Variants in PTPN3 observed in about 807,000 individuals in gnomAD.
PTPN3 encodes the protein protein tyrosine phosphatase non-receptor type 3.
A neutral mutation model predicts 132.7 loss-of-function variants in PTPN3; 96 were observed. That is an observed-to-expected ratio of 0.72 (90% CI 0.61 to 0.86). The LOEUF (loss-of-function observed/expected upper bound fraction) is 0.86, where lower values mean the gene tolerates loss of function less well. Among genes scored for constraint, PTPN3 ranks in the 40% least tolerant of loss-of-function variants. The pLI is 0.00. For synonymous variants in PTPN3, 398 were observed against 429.0 expected (o/e 0.93, Z 0.89); for missense variants, 1,125 against 1,159.6 (o/e 0.97, Z 0.43).
the PTPN3 span, among the ~76,000 whole-genome samples, chr9:109,517,459 G>A: frequency 6.6e-6 from 1 of 152,154 alleles, no homozygotes; most frequent in Non-Finnish European, 1.5e-5. Flanking sequence ...TCCTCTAACG[G>A]TACCCACTGC....
At chr9:109,522,299 C>T in the PTPN3 span, among the ~76,000 whole-genome samples, 8 of 152,230 alleles carry the variant, frequency 5.3e-5, no homozygotes, top group African/African-American at 1.9e-4. Flanking sequence ...GGCTATAGAC[C>T]AAAGGCCAAA....
At chr9:109,486,642 G>A (rs1189708286) in intron 1 of PTPN3, among the ~76,000 whole-genome samples, 1 of 152,114 alleles carries the variant, frequency 6.6e-6, no homozygotes, top group Non-Finnish European at 1.5e-5. Flanking sequence ...AGGGGCCTGG[G>A]GGCACTCATG....
At chr9:109,437,594 T>C (rs1222924109) in intron 8 of PTPN3, among the ~76,000 whole-genome samples, 1 of 152,158 alleles carries the variant, frequency 6.6e-6, no homozygotes, top group Non-Finnish European at 1.5e-5. Flanking sequence ...CAGCCAGAAT[T>C]GGGCATATGT....
At chr9:109,459,902 G>A (rs1050574803) in intron 2 of PTPN3, among the ~76,000 whole-genome samples, 26 of 151,960 alleles carry the variant, frequency 1.7e-4, no homozygotes, top group African/African-American at 5.3e-4. Context: ...CTTAAGCACC[G>A]TTCGCAGCTT....
At chr9:109,448,221 C>T (rs1844989952) in intron 6 of PTPN3, among the ~76,000 whole-genome samples, 1 of 152,122 alleles carries the variant, frequency 6.6e-6, no homozygotes, top group Non-Finnish European at 1.5e-5. Flanking sequence ...CAGGGCTAAA[C>T]TCACAGGGGT....
the PTPN3 span, among the ~76,000 whole-genome samples, chr9:109,517,864 C>T: frequency 6.6e-6 from 1 of 152,086 alleles, no homozygotes; most frequent in Non-Finnish European, 1.5e-5. Context: ...GTGGGAGACC[C>T]TAGCAGAAGC....
Position 109,378,054 on chromosome 9 carries a change from T to C in PTPN3, c.*1502A>G, listed in dbSNP as rs1282878630. 6.6e-6 allele frequency: 1 copy of C among 152,206 alleles called. No homozygotes were observed. Among genetic ancestry groups the C allele is most frequent in the African/African-American group, 2.4e-5 (1 of 41,448 alleles). 9.4% of individuals were successfully genotyped at this position (152,206 alleles called of 1,614,324 possible). A position where few individuals can be genotyped will look rare whatever the true frequency, so the allele number is the denominator to read the frequency against. On this transcript the variant is annotated 3_prime_UTR_variant, in exon 26 of 26. Transcript: ENST00000374541. ...AGCTCTAGAGATAAAGAATCTCCCA[T>C]ATAGGTCTTCATCCGTCTTGCTACC...
At chr9:109,505,030 G>A in the PTPN3 span, among the ~76,000 whole-genome samples, 2 of 152,202 alleles carry the variant, frequency 1.3e-5, no homozygotes, top group East Asian at 1.9e-4. Context: ...AGTGGTCATG[G>A]CTTTGAAAAA....
chr9:109,391,876 G>A lies in PTPN3; in HGVS notation c.1954-315C>T, dbSNP rs139470068. ...AGCTAAAAGCAACTAGATGTGGGGG[G>A]GGGGGGGAAGAATTCTGGCTCAAAA... On this transcript the variant is annotated intron_variant, in intron 19 of 25. Coordinates refer to ENST00000374541, the MANE Select transcript of PTPN3 (RefSeq NM_002829.4). Among the ~76,000 whole-genome samples, 10 of 102,718 alleles carry A rather than the reference G, an allele frequency of 9.7e-5. 1 individual carries two copies. The highest frequency in any genetic ancestry group is 7.9e-5 in the Non-Finnish European group (4 of 50,372). The allele number at this position is 102,718 out of a possible 152,430, so 67.4% of individuals were successfully genotyped here. A position where few individuals can be genotyped will look rare whatever the true frequency, so the allele number is the denominator to read the frequency against.
At chr9:109,463,934 A>G (rs1447623555) in intron 1 of PTPN3, among the ~76,000 whole-genome samples, 1 of 152,248 alleles carries the variant, frequency 6.6e-6, no homozygotes, top group Non-Finnish European at 1.5e-5. Context: ...TAGTCGCAAT[A>G]TATACATCTG....
intron 12 of PTPN3, among the ~76,000 whole-genome samples, chr9:109,425,411 A>G (rs553247101): frequency 6.6e-6 from 1 of 152,356 alleles, no homozygotes; most frequent in South Asian, 2.1e-4. Context: ...AAAAACCAAC[A>G]AATGATTTAG....
At position 109,415,077 on chromosome 9, in the gene PTPN3, ACCATCCAT is replaced by A. The variant is rs201768060; in HGVS notation, c.1314-4670_1314-4663del. 9.1e-3 allele frequency among the ~76,000 whole-genome samples: 1,135 copies of A among 125,108 alleles called. 15 individuals carry two copies. The highest frequency in any genetic ancestry group is 0.031 in the African/African-American group (977 of 31,362). 82.1% of individuals were successfully genotyped at this position (125,108 alleles called of 152,430 possible). On this transcript the variant is annotated intron_variant, in intron 14 of 25. Transcript: ENST00000374541. The stretch of plus-strand genomic sequence containing the variant: ...ATCCGTCCATCCGTCCGTCCATCCA[ACCATCCAT>A]CCATCCATCCATCCATCCATCCATC...
intron 23 of PTPN3, 197 bp downstream of exon 23, chr9:109,383,226 T>C: frequency 1.2e-6 from 1 of 839,830 alleles, no homozygotes; most frequent in Non-Finnish European, 1.9e-6. Context: ...CACTGGGCTG[T>C]TTGCACCTCG....
In PTPN3 at chr9:109,436,859, C is replaced by A; in HGVS notation, c.675+24G>T. ...TTAAAATAAAAACATAATGTTTGAG[C>A]CAAGACATAACAAGAATACATACCC... On this transcript the variant is annotated intron_variant, in intron 9 of 25. Coordinates refer to ENST00000374541, the MANE Select transcript of PTPN3 (RefSeq NM_002829.4). 1.9e-6 allele frequency: 3 copies of A among 1,599,926 alleles called. No homozygotes were observed. The South Asian group carries it at 3.4e-5, about 18-fold the overall frequency.
At chr9:109,422,476 C>T (rs775178197) in intron 13 of PTPN3, among the ~76,000 whole-genome samples, 1 of 152,092 alleles carries the variant, frequency 6.6e-6, no homozygotes, top group Non-Finnish European at 1.5e-5. Context: ...TCAGCAGGCT[C>T]GAGTTTCCCA....
rs751505563 is a variant in PTPN3, at chr9:109,454,575, C to CTACAACATTT, written c.290-11_290-2dup. 1 of 1,610,088 alleles carries CTACAACATTT rather than the reference C, an allele frequency of 6.2e-7. No individual in the cohort carries two copies. Among genetic ancestry groups the CTACAACATTT allele is most frequent in the African/African-American group, 1.3e-5 (1 of 74,946 alleles). On this transcript the variant is annotated splice_acceptor_variant, in intron 4 of 25. Transcript: ENST00000374541. LOFTEE classifies it high-confidence loss of function. ...AAATGCAGGGTACAGGGGAAACCTC[C>CTACAACATTT]TACAACATTTTTCAAAAACAAATTA...
At chr9:109,383,295 T>C in intron 23 of PTPN3, 128 bp downstream of exon 23, 3 of 1,522,838 alleles carry the variant, frequency 2.0e-6, no homozygotes, top group Admixed American at 1.7e-5. Flanking sequence ...ATGGGCAGTC[T>C]TGCGCACTTA....
At chr9:109,398,372 G>C (rs975064285) in intron 19 of PTPN3, among the ~76,000 whole-genome samples, 2 of 152,200 alleles carry the variant, frequency 1.3e-5, no homozygotes, top group African/African-American at 4.8e-5. Flanking sequence ...AGCTACCTCT[G>C]CCCTTCCAAA....
chr9:109,537,280 A>AC, the PTPN3 span, among the ~76,000 whole-genome samples: 1 of 152,200 alleles, frequency 6.6e-6, no homozygotes, highest in South Asian at 2.1e-4. Flanking sequence ...AGTGACTAGT[A>AC]CCCTTGGCTA....
Sources: gnomAD v4.1 joint callset for allele counts (sites outside exome capture counted in the v4.1 genomes callset) on GRCh38, gnomAD v4.1.1 for gene constraint, MANE v1.5 for transcripts, NCBI Gene and HGNC (gene_info 2026-07-23, HGNC 2026-07-21) for gene names.